RAD52: variants seen among roughly 807,000 people sequenced by gnomAD.
The protein encoded by RAD52 is RAD52 DNA repair protein.
Under a neutral mutation model 55.5 loss-of-function variants are expected in RAD52, and 47 were observed. The observed-to-expected ratio is 0.85, with a 90% confidence interval of 0.67 to 1.08. RAD52 has a LOEUF of 1.08. Ranked by LOEUF, RAD52 falls within the 50% of genes least tolerant of loss-of-function variation. RAD52 has a pLI of 0.00. For missense variants in RAD52, 468 were observed against 522.8 expected, an observed-to-expected ratio of 0.90 and a Z score of 1.02; for synonymous variants, 184 against 198.9, an observed-to-expected ratio of 0.92 and a Z score of 0.63.
intron 2 of RAD52, among the ~76,000 whole-genome samples, 169 bp downstream of exon 2, chr12:932,806 G>A: frequency 3.7e-5 from 1 of 27,088 alleles, no homozygotes; most frequent in East Asian, 8.7e-4. Flanking sequence ...AACGTACTAG[G>A]TACTGCTCAC....
chr12:935,183 C>G (rs1565676717), intron 1 of RAD52, among the ~76,000 whole-genome samples: 1 of 150,882 alleles, frequency 6.6e-6, no homozygotes, highest in Non-Finnish European at 1.5e-5. Flanking sequence ...CAGCATGACC[C>G]TGGACACTGT....
chr12:922,551 A>T (rs1330303829), intron 7 of RAD52, among the ~76,000 whole-genome samples: 1 of 152,220 alleles, frequency 6.6e-6, no homozygotes, highest in African/African-American at 2.4e-5. Context: ...CACAAAAAGA[A>T]GGGAATTCTG....
rs1002384200 is a variant in RAD52 at position 967,623 on chromosome 12, G to T, written c.-19+22186C>A. Among the ~76,000 whole-genome samples, 16 of 151,912 alleles carry T rather than the reference G, an allele frequency of 1.1e-4. No individual in the cohort carries two copies. In the South Asian group the frequency reaches 1.9e-3, roughly 18 times the overall value. On this transcript the variant is annotated intron_variant, in intron 1 of 11. Coordinates refer to the RAD52 transcript ENST00000430095. ...TTTACCTGTTTTTGAACTTTTGTGG[G>T]TGTGTGACAGGGTCTCTGTCACCCA...
chr12:935,889 TAAATAAATAAC>T (rs1957596593), intron 1 of RAD52, among the ~76,000 whole-genome samples: 3 of 149,666 alleles, frequency 2.0e-5, no homozygotes, highest in Admixed American at 1.3e-4. Context: ...AATAAATAAA[TAAATAAATAAC>T]TAGAGACGGG....
At chr12:917,473 C>G (rs945755931) in intron 7 of RAD52, among the ~76,000 whole-genome samples, 1 of 152,118 alleles carries the variant, frequency 6.6e-6, no homozygotes, top group African/African-American at 2.4e-5. Flanking sequence ...AAAACTGATG[C>G]TGATGGAATA....
chr12:947,886 CAAA>C lies in RAD52; in HGVS notation c.-19+1713_-19+1715del, dbSNP rs10602471. ...GGGCAACAAGAGTGAAACTTCATCTCAAAAAAAAAAAAAAAACAAAAAAAAAAC... is the reference window on the plus strand; with the variant it reads ...GGGCAACAAGAGTGAAACTTCATCTCAAAAAAAAAAAAACAAAAAAAAAAC... On this transcript the variant is annotated intron_variant, in intron 1 of 11. Coordinates refer to ENST00000358495, the MANE Select transcript of RAD52 (RefSeq NM_134424.4). 2.6e-4 allele frequency among the ~76,000 whole-genome samples: 24 copies of C among 91,094 alleles called. 1 individual carries two copies. The highest frequency in any genetic ancestry group is 4.9e-4 in the African/African-American group (11 of 22,408). 59.8% of individuals were successfully genotyped at this position (91,094 alleles called of 152,430 possible).
chr12:932,893 A>G, intron 2 of RAD52, 82 bp downstream of exon 2: 2 of 1,212,714 alleles, frequency 1.6e-6, no homozygotes, highest in Admixed American at 3.4e-5. Flanking sequence ...TCACACATGT[A>G]CTACGATGCT....
At chr12:949,061 T>C (rs944235342) in intron 1 of RAD52, among the ~76,000 whole-genome samples, 3 of 152,080 alleles carry the variant, frequency 2.0e-5, no homozygotes, top group African/African-American at 7.2e-5. Context: ...TTTTTATTTT[T>C]ATTTTTTCCC....
At chr12:955,135 C>T (rs186025274) in intron 1 of RAD52, among the ~76,000 whole-genome samples, 3 of 152,244 alleles carry the variant, frequency 2.0e-5, no homozygotes, top group African/African-American at 7.2e-5. Context: ...GACAATTGCA[C>T]CCTATTGGGG....
Position 914,029 on chromosome 12 carries a change from T to C in RAD52, c.1060A>G (p.Thr354Ala), listed in dbSNP as rs753868681. The change falls in exon 11 of 12, where the codon ACC becomes GCC. Residue 354 changes from threonine to alanine, a missense_variant. Thr to Ala is a moderately conservative substitution (Grantham distance 58, BLOSUM62 0). Transcript: ENST00000358495. ...TTGTTCAAGGCTAATGTGTCAGAGG[T>C]CTGGGCTGGGTCTGCTCTAGACGAG... is the stretch of plus-strand genomic sequence containing the variant. Reference protein sequence around the residue: ...KPSSRADPAQTSDTLALNNQM... With the variant: ...KPSSRADPAQASDTLALNNQM... 3 of 1,614,174 alleles carry C rather than the reference T, an allele frequency of 1.9e-6. No homozygotes were observed. The highest frequency in any genetic ancestry group is 1.7e-6 in the Non-Finnish European group (2 of 1,180,036).
At chr12:959,680 T>C (rs770545506) in intron 1 of RAD52, among the ~76,000 whole-genome samples, 1 of 152,164 alleles carries the variant, frequency 6.6e-6, no homozygotes, top group Non-Finnish European at 1.5e-5. Context: ...ACTAGGGAAA[T>C]GTGCAAGAGC....
chr12:960,094 G>T (rs986198610), intron 1 of RAD52, among the ~76,000 whole-genome samples: 3 of 152,150 alleles, frequency 2.0e-5, no homozygotes, highest in African/African-American at 7.2e-5. Context: ...CTATAAGGTG[G>T]ACCATCCATA....
At chr12:926,664 A>C in intron 6 of RAD52, 1 of 986,030 alleles carries the variant, frequency 1.0e-6, no homozygotes, top group Non-Finnish European at 1.5e-6. Flanking sequence ...CTTCCAGTAC[A>C]GTCCACAGAA....
intron 7 of RAD52, among the ~76,000 whole-genome samples, chr12:924,394 A>T (rs1201673118): frequency 6.6e-6 from 1 of 152,238 alleles, no homozygotes; most frequent in Non-Finnish European, 1.5e-5. Context: ...TGGGCGACAG[A>T]GCGAGACTCC....
intron 1 of RAD52, among the ~76,000 whole-genome samples, chr12:963,271 T>A (rs998861244): frequency 4.6e-5 from 7 of 152,238 alleles, no homozygotes; most frequent in Non-Finnish European, 7.3e-5. Context: ...GTAAACAGTG[T>A]TAATACCTCT....
intron 1 of RAD52, among the ~76,000 whole-genome samples, chr12:939,378 T>G (rs1005761834): frequency 6.6e-6 from 1 of 152,056 alleles, no homozygotes; most frequent in Admixed American, 6.6e-5. Context: ...CTCAAACTCC[T>G]GGGCTCAAGC....
At chr12:982,535 T>G (rs141356659) in intron 1 of RAD52, among the ~76,000 whole-genome samples, 1 of 152,084 alleles carries the variant, frequency 6.6e-6, no homozygotes, top group Non-Finnish European at 1.5e-5. Context: ...AAATTCTTTG[T>G]GGAAGAAAGG....
chr12:990,537 A>C (rs1415608172), upstream of RAD52: 1 of 152,174 alleles, frequency 6.6e-6, no homozygotes, highest in African/African-American at 2.4e-5. Flanking sequence ...ATTTCCGCCC[A>C]CGCTCCCCGC....
In RAD52 at chr12:912,016, C is replaced by CG. The variant is rs925895938; in HGVS notation, c.*1374_*1375insC. On this transcript the variant is annotated 3_prime_UTR_variant, in exon 12 of 12. Coordinates refer to ENST00000358495, the MANE Select transcript of RAD52 (RefSeq NM_134424.4). ...TCCAGCCTGCGCTACAGAGCCAGAC[C>CG]CCCCCTCTCAAAAAAAAAGTTGTTA... 1 of 97,492 alleles carries CG rather than the reference C, an allele frequency of 1.0e-5. No individual in the cohort carries two copies. Among genetic ancestry groups the CG allele is most frequent in the African/African-American group, 5.9e-5 (1 of 17,068 alleles). 6.0% of individuals were successfully genotyped at this position (97,492 alleles called of 1,614,324 possible). A position where few individuals can be genotyped will look rare whatever the true frequency, so the allele number is the denominator to read the frequency against.
Sources: gnomAD v4.1 joint callset for allele counts (sites outside exome capture counted in the v4.1 genomes callset) on GRCh38, gnomAD v4.1.1 for gene constraint, MANE v1.5 for transcripts, NCBI Gene and HGNC (gene_info 2026-07-23, HGNC 2026-07-21) for gene names.